EGF: variants seen among roughly 807,000 people sequenced by gnomAD.
EGF encodes the protein epidermal growth factor.
Under a neutral mutation model 143.8 loss-of-function variants are expected in EGF, and 95 were observed. That is an observed-to-expected ratio of 0.66 (90% CI 0.56 to 0.78). The LOEUF (loss-of-function observed/expected upper bound fraction) is 0.78. EGF is among the 30% of genes least tolerant of loss of function. EGF has a pLI of 0.00. For missense variants in EGF, 1,320 were observed against 1,470.9 expected (o/e 0.90, Z 1.68); for synonymous variants, 510 against 510.5 (o/e 1.00, Z 0.01).
intron 18 of EGF, chr4:109,992,291 G>A (rs889800883): frequency 1.3e-5 from 2 of 150,208 alleles, no homozygotes; most frequent in Non-Finnish European, 3.0e-5. Flanking sequence ...CAACATTCAT[G>A]AAAGTCCCCT....
In EGF at chr4:109,983,448, G is replaced by C; in HGVS notation, c.2398G>C (p.Val800Leu). ...TGGTGAAGTTGATCTAAAGAACCAA[G>C]TAACACCATTGGACATCTTGTCCAA... ...AGGEVDLKNQVTPLDILSKTR... is the reference protein window; with the variant it reads ...AGGEVDLKNQLTPLDILSKTR... Residue 800 changes from valine (V) to leucine (L), a missense_variant, in exon 16 of 24, where the codon GTA (valine) becomes CTA (leucine). Physicochemically the swap from Val to Leu is conservative, Grantham distance 32. Transcript: ENST00000265171. 5 of 1,613,632 alleles carry C rather than the reference G, an allele frequency of 3.1e-6. No individual in the cohort carries two copies. Among genetic ancestry groups the C allele is most frequent in the Non-Finnish European group, 4.2e-6 (5 of 1,179,782 alleles).
At chr4:109,980,794 C>G in intron 14 of EGF, 32 bp from the exon 15 acceptor site, 2 of 1,613,666 alleles carry the variant, frequency 1.2e-6, no homozygotes, top group Non-Finnish European at 1.7e-6. Context: ...ATCTTCAAAC[C>G]CACTTGTGAA....
In EGF at chr4:109,987,759, C is replaced by A; in HGVS notation, c.2507C>A (p.Ala836Asp). ...EIMVSDQDDCAPVGCSMYARC... is the reference protein window; with the variant it reads ...EIMVSDQDDCDPVGCSMYARC... ...CTATTTGTAGATCAAGATGACTGTG[C>A]TCCTGTGGGATGCAGCATGTATGCT... The change falls in exon 17 of 24, where the codon GCT (alanine) becomes GAT (aspartate). Residue 836 changes from alanine (A) to aspartate (D), a missense_variant. Transcript: ENST00000265171. 1 of 1,613,644 alleles carries A rather than the reference C, an allele frequency of 6.2e-7. No homozygotes were observed. Among genetic ancestry groups the A allele is most frequent in the Middle Eastern group, 1.7e-4 (1 of 6,058 alleles).
In EGF at chr4:110,011,696, A is replaced by C; in HGVS notation, c.*241A>C. 1.7e-6 allele frequency: 1 copy of C among 575,200 alleles called. No individual in the cohort carries two copies. Among genetic ancestry groups the C allele is most frequent in the Non-Finnish European group, 3.0e-6 (1 of 330,440 alleles). 35.6% of individuals were successfully genotyped at this position (575,200 alleles called of 1,614,324 possible). ...TCACTAGGTAACTTATTAGAAACCC[A>C]AATTGGGACAACAGTGCTTTGTAAA... On this transcript the variant is annotated 3_prime_UTR_variant, in exon 24 of 24. Transcript: ENST00000265171.
At chr4:109,997,548 G>A (rs539975105) in intron 20 of EGF, among the ~76,000 whole-genome samples, 15 of 151,332 alleles carry the variant, frequency 9.9e-5, no homozygotes, top group Non-Finnish European at 2.1e-4. Context: ...TGCAAGCTCC[G>A]CCTCCCGGAT....
chr4:109,928,587 T>C (rs950018303), intron 1 of EGF, among the ~76,000 whole-genome samples: 7 of 152,150 alleles, frequency 4.6e-5, no homozygotes, highest in African/African-American at 1.7e-4. Context: ...GAATGGGGAT[T>C]ACCTGCAGAA....
At chr4:109,993,136 C>T in intron 18 of EGF, 111 bp from the exon 19 acceptor site, 1 of 1,382,732 alleles carries the variant, frequency 7.2e-7, no homozygotes. Flanking sequence ...TCTCTGAGAA[C>T]ATATAGCATG....
At chr4:109,938,535 C>G (rs1013415768) in intron 1 of EGF, among the ~76,000 whole-genome samples, 1 of 152,204 alleles carries the variant, frequency 6.6e-6, no homozygotes, top group East Asian at 1.9e-4. Context: ...CAAACTCATT[C>G]TTTGTCCAGT....
At chr4:109,951,736 G>A (rs1169380000) in intron 5 of EGF, among the ~76,000 whole-genome samples, 1 of 152,168 alleles carries the variant, frequency 6.6e-6, no homozygotes, top group Non-Finnish European at 1.5e-5. Context: ...GTCACAGGGT[G>A]GTAGAATTGG....
At chr4:109,934,054 T>G (rs1740309238) in intron 1 of EGF, among the ~76,000 whole-genome samples, 1 of 152,220 alleles carries the variant, frequency 6.6e-6, no homozygotes, top group Non-Finnish European at 1.5e-5. Context: ...GTAAAAGTGT[T>G]CCTATTTCTC....
chr4:109,955,086 G>T lies in EGF; in HGVS notation c.941-4226G>T, dbSNP rs138984493. On this transcript the variant is annotated intron_variant, in intron 5 of 23. Coordinates refer to ENST00000265171, the MANE Select transcript of EGF (RefSeq NM_001963.6). ...TTGTTGATGAGGTGAGTCTTACATG[G>T]AGTTTGAGGTAGACAAAGATGTGAT... Among the ~76,000 whole-genome samples, 3 of 152,318 alleles carry T rather than the reference G, an allele frequency of 2.0e-5. No homozygotes were observed. The East Asian group carries it at 5.8e-4, about 29-fold the overall frequency.
intron 5 of EGF, among the ~76,000 whole-genome samples, chr4:109,949,022 T>C (rs984314975): frequency 1.3e-5 from 2 of 152,216 alleles, no homozygotes; most frequent in Non-Finnish European, 2.9e-5. Context: ...ACTTACTTCT[T>C]GCAAAATGCC....
intron 1 of EGF, among the ~76,000 whole-genome samples, chr4:109,939,979 G>T (rs1464310609): frequency 6.6e-6 from 1 of 152,182 alleles, no homozygotes; most frequent in Non-Finnish European, 1.5e-5. Flanking sequence ...AAGAGAGAGA[G>T]ACCAAGAAAA....
intron 20 of EGF, among the ~76,000 whole-genome samples, chr4:109,996,535 C>T (rs2126162765): frequency 6.6e-6 from 1 of 152,308 alleles, no homozygotes; most frequent in South Asian, 2.1e-4. Flanking sequence ...ATGACCTCAC[C>T]TTATCTTTTA....
At chr4:109,943,719 A>C in intron 3 of EGF, 123 bp from the exon 4 acceptor site, 1 of 886,768 alleles carries the variant, frequency 1.1e-6, no homozygotes, top group South Asian at 1.4e-5. Context: ...TTACTTGTTG[A>C]ATAAATTTTC....
chr4:109,953,936 T>C (rs1358242166), intron 5 of EGF, among the ~76,000 whole-genome samples: 1 of 152,246 alleles, frequency 6.6e-6, no homozygotes, highest in Non-Finnish European at 1.5e-5. Flanking sequence ...ACATATGTCA[T>C]ACCTTGTATT....
At chr4:110,002,804 T>G (rs1752744481) in intron 21 of EGF, among the ~76,000 whole-genome samples, 2 of 152,180 alleles carry the variant, frequency 1.3e-5, no homozygotes, top group Admixed American at 1.3e-4. Flanking sequence ...TCTGCTCCTG[T>G]TCCTCCTCCC....
Position 109,913,265 on chromosome 4 carries a change from C to T in EGF, c.-71C>T, listed in dbSNP as rs1035755250. On this transcript the variant is annotated 5_prime_UTR_variant, in exon 1 of 24. Transcript: ENST00000265171. ...GCAGCCGCATCTGGGGTCAATCATA[C>T]TCACCTTGCCCGGGCCATGCTCCAG... is the stretch of plus-strand genomic sequence containing the variant. The T allele has an allele frequency of 2.5e-6, 4 of 1,601,464 alleles. No individual in the cohort carries two copies. The highest frequency in any genetic ancestry group is 2.6e-6 in the Non-Finnish European group (3 of 1,172,048).
intron 14 of EGF, chr4:109,980,622 G>T: frequency 1.7e-6 from 1 of 600,172 alleles, no homozygotes. Context: ...TACTAATAAG[G>T]TAATAACATT....
Sources: gnomAD v4.1 joint callset for allele counts (sites outside exome capture counted in the v4.1 genomes callset) on GRCh38, gnomAD v4.1.1 for gene constraint, MANE v1.5 for transcripts, NCBI Gene and HGNC (gene_info 2026-07-23, HGNC 2026-07-21) for gene names.